Variants in RARB observed in about 807,000 individuals in gnomAD.
RARB encodes retinoic acid receptor beta.
RARB carries 17 observed loss-of-function variants against 51.9 expected under a neutral mutation model. The observed-to-expected ratio is 0.33, with a 90% CI of 0.22 to 0.49. The LOEUF is 0.49. Ranked by LOEUF, RARB falls within the 20% of genes least tolerant of loss-of-function variation. The probability of loss-of-function intolerance (pLI) is 0.99; values close to 1 mark genes in which losing one functional copy is unlikely to be tolerated. For synonymous variants in RARB, 215 were observed against 195.4 expected (o/e 1.10, Z -0.84); for missense variants, 369 against 550.8 (o/e 0.67, Z 3.30).
intron 5 of RARB, among the ~76,000 whole-genome samples, chr3:25,391,538 C>T (rs930404304): frequency 6.6e-6 from 1 of 152,002 alleles, no homozygotes; most frequent in Non-Finnish European, 1.5e-5. Flanking sequence ...CCCTTTTTGC[C>T]ACATCCATAC....
At chr3:24,862,615 G>A (rs1444977752) in intron 2 of RARB, among the ~76,000 whole-genome samples, 2 of 152,190 alleles carry the variant, frequency 1.3e-5, no homozygotes, top group South Asian at 2.1e-4. Flanking sequence ...TCTGAGTCTG[G>A]TAGTCACTTA....
chr3:25,380,265 G>A (rs545795495), intron 5 of RARB, among the ~76,000 whole-genome samples: 1 of 152,220 alleles, frequency 6.6e-6, no homozygotes, highest in South Asian at 2.1e-4. Context: ...CCAGCCCTCA[G>A]ACTAGAGCTG....
At chr3:25,551,537 G>T (rs1317148195) in intron 3 of RARB, among the ~76,000 whole-genome samples, 5 of 152,174 alleles carry the variant, frequency 3.3e-5, no homozygotes, top group African/African-American at 1.2e-4. Flanking sequence ...AGAGTTATGT[G>T]GAGCAGCTAA....
intron 4 of RARB, among the ~76,000 whole-genome samples, chr3:25,150,011 G>A (rs1700257253): frequency 6.6e-6 from 1 of 152,040 alleles, no homozygotes; most frequent in Admixed American, 6.6e-5. Context: ...AGACCAACAT[G>A]ACCGATATGG....
At chr3:24,942,023 T>A (rs1695678689) in intron 2 of RARB, among the ~76,000 whole-genome samples, 1 of 152,238 alleles carries the variant, frequency 6.6e-6, no homozygotes, top group African/African-American at 2.4e-5. Flanking sequence ...AGAAATGATT[T>A]GGCCATATTG....
chr3:24,949,453 T>C (rs1327396828), intron 2 of RARB, among the ~76,000 whole-genome samples: 1 of 152,156 alleles, frequency 6.6e-6, no homozygotes, highest in Non-Finnish European at 1.5e-5. Flanking sequence ...GAAAGGGAAA[T>C]TGTTAAAATA....
chr3:24,964,918 T>C (rs1462242619), intron 2 of RARB, among the ~76,000 whole-genome samples: 2 of 152,170 alleles, frequency 1.3e-5, no homozygotes, highest in African/African-American at 2.4e-5. Context: ...TCACATCACA[T>C]AGGCAGATAT....
At chr3:25,266,200 GC>G (rs1209943744) in intron 5 of RARB, among the ~76,000 whole-genome samples, 1 of 152,026 alleles carries the variant, frequency 6.6e-6, no homozygotes, top group Admixed American at 6.6e-5. Context: ...ATCTTTGGGG[GC>G]TAATATTCTG....
At chr3:25,381,408 G>A (rs1706621556) in intron 5 of RARB, among the ~76,000 whole-genome samples, 1 of 152,180 alleles carries the variant, frequency 6.6e-6, no homozygotes, top group Non-Finnish European at 1.5e-5. Flanking sequence ...CACTTTAGCT[G>A]TGTAACCTTA....
chr3:25,180,517 AGATGGCCTTGAGC>A (rs1185643719), intron 5 of RARB, among the ~76,000 whole-genome samples: 1 of 152,218 alleles, frequency 6.6e-6, no homozygotes, highest in African/African-American at 2.4e-5. Context: ...GGTTATATTC[AGATGGCCTTGAGC>A]GATGGGAGAT....
chr3:24,858,234 T>C (rs1702670650), intron 1 of RARB, among the ~76,000 whole-genome samples: 2 of 152,316 alleles, frequency 1.3e-5, no homozygotes, highest in Middle Eastern at 3.4e-3. Context: ...CATGTTTTTT[T>C]TTTCTTCTTA....
At chr3:25,008,007 G>C (rs556177014) in intron 2 of RARB, among the ~76,000 whole-genome samples, 1 of 152,084 alleles carries the variant, frequency 6.6e-6, no homozygotes, top group Admixed American at 6.6e-5. Flanking sequence ...GAAAAGGTAT[G>C]TGTAAGGTCT....
chr3:25,018,343 C>G (rs940575133), intron 2 of RARB, among the ~76,000 whole-genome samples: 3 of 152,124 alleles, frequency 2.0e-5, no homozygotes, highest in Admixed American at 6.5e-5. Flanking sequence ...TCATTCTTCC[C>G]CCTCTAATCT....
intron 5 of RARB, among the ~76,000 whole-genome samples, chr3:25,340,817 G>A (rs1036256362): frequency 2.6e-5 from 4 of 152,194 alleles, no homozygotes; most frequent in Admixed American, 2.0e-4. Flanking sequence ...AGAGCTTGAA[G>A]CAAATGAAAA....
At chr3:24,942,669 C>G (rs1206955753) in intron 2 of RARB, among the ~76,000 whole-genome samples, 1 of 152,132 alleles carries the variant, frequency 6.6e-6, no homozygotes, top group East Asian at 1.9e-4. Flanking sequence ...TTCTGAGTAT[C>G]AAATGGTATT....
At chr3:24,843,185 A>T (rs1205679145) in intron 1 of RARB, among the ~76,000 whole-genome samples, 1 of 152,182 alleles carries the variant, frequency 6.6e-6, no homozygotes, top group African/African-American at 2.4e-5. Context: ...TGAGCAGAGA[A>T]TTCCATATTA....
chr3:25,199,971 T>C (rs1053524543), intron 5 of RARB, among the ~76,000 whole-genome samples: 2 of 152,196 alleles, frequency 1.3e-5, no homozygotes, highest in African/African-American at 4.8e-5. Context: ...AGTAATGGGA[T>C]GGCTGGGTCA....
intron 2 of RARB, among the ~76,000 whole-genome samples, chr3:25,497,820 C>A (rs1191985784): frequency 6.6e-6 from 1 of 152,206 alleles, no homozygotes; most frequent in Non-Finnish European, 1.5e-5. Flanking sequence ...CTAACCATCC[C>A]TTGGCTTCAA....
intron 5 of RARB, among the ~76,000 whole-genome samples, chr3:25,183,281 T>G (rs2125358652): frequency 6.6e-6 from 1 of 152,296 alleles, no homozygotes; most frequent in South Asian, 2.1e-4. Flanking sequence ...AGGACTTTTT[T>G]TATTACTGCA....
Sources: allele counts gnomAD v4.1 joint callset (sites outside exome capture counted in the v4.1 genomes callset), GRCh38; gene constraint gnomAD v4.1.1; transcripts MANE v1.5; gene names NCBI Gene and HGNC (gene_info 2026-07-23, HGNC 2026-07-21).